PHACTR3: variants seen among roughly 807,000 people sequenced by gnomAD.
PHACTR3 encodes phosphatase and actin regulator 3, also known as protein phosphatase 1, regulatory subunit 123.
Under a neutral mutation model 66.8 loss-of-function variants are expected in PHACTR3, and 16 were observed. The ratio of observed to expected loss-of-function variants is 0.24; its 90% CI spans 0.16 to 0.36. PHACTR3 has a LOEUF of 0.36. PHACTR3 is among the 10% of genes least tolerant of loss of function. PHACTR3 has a pLI of 1.00. For missense variants in PHACTR3, 647 were observed against 719.9 expected (o/e 0.90, Z 1.16); for synonymous variants, 323 against 292.1 (o/e 1.11, Z -1.08).
intron 8 of PHACTR3, among the ~76,000 whole-genome samples, chr20:59,831,805 C>T (rs983234182): frequency 2.6e-5 from 4 of 152,230 alleles, no homozygotes; most frequent in Admixed American, 1.3e-4. Context: ...GAGGAACCGG[C>T]GCCCATTCCT....
chr20:59,818,787 G>C (rs1160643860), intron 8 of PHACTR3, among the ~76,000 whole-genome samples: 12 of 152,146 alleles, frequency 7.9e-5, no homozygotes, highest in African/African-American at 2.9e-4. Context: ...TCTTTTCATT[G>C]TCATCATTTT....
chr20:59,840,468 G>T (rs181357165), intron 10 of PHACTR3, 38 bp downstream of exon 10: 1 of 1,609,064 alleles, frequency 6.2e-7, no homozygotes, highest in Admixed American at 1.7e-5. Context: ...AATAAAAGGT[G>T]GTCTAGAGAA....
Position 59,767,240 on chromosome 20 carries a change from C to T in PHACTR3, c.596C>T (p.Pro199Leu). ...GEEADAGSLL[P>L]TTNELSQALA... ...GAAGCAGACGCTGGCAGCCTCCTGCCCACCACCAATGAGCTCTCCCAAGCC... is the reference window on the plus strand; with the variant it reads ...GAAGCAGACGCTGGCAGCCTCCTGCTCACCACCAATGAGCTCTCCCAAGCC... The change falls in exon 5 of 13, where the codon CCC becomes CTC. Residue 199 changes from proline to leucine, a missense_variant. By Grantham distance (98) the Pro-to-Leu change is moderately conservative (BLOSUM62 -3). Transcript: ENST00000371015. 6.2e-7 allele frequency: 1 copy of T among 1,614,258 alleles called. No individual in the cohort carries two copies. Among genetic ancestry groups the T allele is most frequent in the Non-Finnish European group, 8.5e-7 (1 of 1,180,046 alleles).
chr20:59,585,680 A>G (rs370727618), intron 1 of PHACTR3, among the ~76,000 whole-genome samples: 53 of 152,246 alleles, frequency 3.5e-4, no homozygotes, highest in African/African-American at 1.2e-3. Flanking sequence ...TCTGTGTCCA[A>G]TGGAGAGCAT....
intron 1 of PHACTR3, among the ~76,000 whole-genome samples, chr20:59,718,804 C>T (rs2038187401): frequency 6.6e-6 from 1 of 152,186 alleles, no homozygotes; most frequent in Non-Finnish European, 1.5e-5. Flanking sequence ...AAAAGGGTGT[C>T]AACATATTTC....
chr20:59,671,248 G>A (rs1367329266), intron 1 of PHACTR3, among the ~76,000 whole-genome samples: 2 of 152,200 alleles, frequency 1.3e-5, no homozygotes. Flanking sequence ...GGGGCTGTGA[G>A]CATCTGTACA....
chr20:59,811,296 G>A (rs1477141645), intron 8 of PHACTR3, among the ~76,000 whole-genome samples: 1 of 152,146 alleles, frequency 6.6e-6, no homozygotes, highest in Non-Finnish European at 1.5e-5. Flanking sequence ...CTTTGATCAG[G>A]GTATCAGCTG....
intron 1 of PHACTR3, among the ~76,000 whole-genome samples, chr20:59,635,116 TTTC>T (rs2034807158): frequency 1.3e-5 from 1 of 74,666 alleles, no homozygotes; most frequent in Non-Finnish European, 2.6e-5. Context: ...TCTTTCTTTC[TTTC>T]TTTCTTTCTT....
At chr20:59,650,389 G>A (rs573087091) in intron 1 of PHACTR3, among the ~76,000 whole-genome samples, 1 of 152,172 alleles carries the variant, frequency 6.6e-6, no homozygotes, top group South Asian at 2.1e-4. Context: ...TCGTTGGGGG[G>A]AGGGCGTTAA....
intron 1 of PHACTR3, among the ~76,000 whole-genome samples, chr20:59,742,447 C>T (rs1568768935): frequency 6.6e-6 from 1 of 151,498 alleles, no homozygotes; most frequent in African/African-American, 2.5e-5. Flanking sequence ...AGCACTGCTT[C>T]CTCTGCCTGC....
intron 1 of PHACTR3, among the ~76,000 whole-genome samples, chr20:59,617,649 C>T (rs1372359689): frequency 6.6e-6 from 1 of 152,038 alleles, no homozygotes; most frequent in Non-Finnish European, 1.5e-5. Flanking sequence ...AGGGGCTCAG[C>T]TAACATTTCG....
intron 1 of PHACTR3, among the ~76,000 whole-genome samples, chr20:59,663,389 G>A (rs1465426685): frequency 1.3e-5 from 2 of 152,220 alleles, no homozygotes; most frequent in African/African-American, 4.8e-5. Context: ...ACCGACGCCA[G>A]CAGAAGGACA....
intron 1 of PHACTR3, among the ~76,000 whole-genome samples, chr20:59,688,175 AT>A (rs2036969082): frequency 6.6e-6 from 1 of 152,222 alleles, no homozygotes; most frequent in African/African-American, 2.4e-5. Context: ...TTAATAGATA[AT>A]TTAGGTGCAA....
At chr20:59,768,261 A>C (rs978139844) in intron 5 of PHACTR3, among the ~76,000 whole-genome samples, 1 of 152,348 alleles carries the variant, frequency 6.6e-6, no homozygotes, top group Non-Finnish European at 1.5e-5. Flanking sequence ...TGATCAAGAG[A>C]TAATGACTTT....
chr20:59,648,519 TCCTCGTGATTTC>T, intron 1 of PHACTR3, among the ~76,000 whole-genome samples: 1 of 152,348 alleles, frequency 6.6e-6, no homozygotes, highest in East Asian at 1.9e-4. Context: ...CTTTAAAATC[TCCTCGTGATTTC>T]TTAATCAGCA....
chr20:59,805,978 C>A, intron 7 of PHACTR3, 63 bp from the exon 8 acceptor site: 1 of 1,533,736 alleles, frequency 6.5e-7, no homozygotes. Context: ...GACAAGCCAG[C>A]CCTCCGCTAA....
chr20:59,727,409 G>A (rs1449570342), intron 1 of PHACTR3, among the ~76,000 whole-genome samples: 1 of 152,128 alleles, frequency 6.6e-6, no homozygotes, highest in Non-Finnish European at 1.5e-5. Flanking sequence ...TGCCAGTCGT[G>A]TATAAGGACT....
At chr20:59,815,065 A>T (rs769452814) in intron 8 of PHACTR3, among the ~76,000 whole-genome samples, 1 of 152,142 alleles carries the variant, frequency 6.6e-6, no homozygotes, top group Non-Finnish European at 1.5e-5. Flanking sequence ...CTGTGGACCC[A>T]GGCTGGACTG....
intron 1 of PHACTR3, among the ~76,000 whole-genome samples, chr20:59,689,450 T>A (rs901289756): frequency 6.6e-5 from 10 of 152,142 alleles, no homozygotes; most frequent in Non-Finnish European, 1.2e-4. Context: ...TGTGTGGGGA[T>A]CTTGAGGAGT....
Sources: allele counts gnomAD v4.1 joint callset (sites outside exome capture counted in the v4.1 genomes callset), GRCh38; gene constraint gnomAD v4.1.1; transcripts MANE v1.5; gene names NCBI Gene and HGNC (gene_info 2026-07-23, HGNC 2026-07-21).